The following ILDR1 variants were observed in gnomAD, a reference collection of about 807,000 sequenced individuals.
The protein encoded by ILDR1 is immunoglobulin-like domain-containing receptor 1.
Under a neutral mutation model 62.4 loss-of-function variants are expected in ILDR1, and 56 were observed. The ratio of observed to expected loss-of-function variants is 0.90; its 90% CI spans 0.72 to 1.12. The LOEUF is 1.12. ILDR1 is among the 50% of genes most tolerant of loss of function. ILDR1 has a pLI of 0.00. For synonymous variants in ILDR1, 284 were observed against 277.8 expected, an observed-to-expected ratio of 1.02 and a Z score of -0.22; for missense variants, 736 against 710.6, an observed-to-expected ratio of 1.04 and a Z score of -0.41.
intron 1 of ILDR1, among the ~76,000 whole-genome samples, chr3:122,013,999 G>A (rs540620106): frequency 2.0e-5 from 3 of 152,342 alleles, no homozygotes; most frequent in Admixed American, 6.5e-5. Flanking sequence ...GAGAGATTAA[G>A]TAATCTGCTT....
the ILDR1 span, among the ~76,000 whole-genome samples, chr3:122,058,981 A>G: frequency 6.6e-6 from 1 of 152,134 alleles, no homozygotes; most frequent in Non-Finnish European, 1.5e-5. Context: ...GGAGAGATCT[A>G]AGTGCATAGT....
intron 5 of ILDR1, among the ~76,000 whole-genome samples, chr3:121,998,481 G>A (rs2071469785): frequency 6.6e-6 from 1 of 152,080 alleles, no homozygotes; most frequent in Non-Finnish European, 1.5e-5. Context: ...CCAAGTTCAG[G>A]GATCTTTGTA....
At chr3:122,029,532 A>ATATG in the ILDR1 span, among the ~76,000 whole-genome samples, 1 of 148,780 alleles carries the variant, frequency 6.7e-6, no homozygotes, top group South Asian at 2.1e-4. Context: ...ATATATATAT[A>ATATG]TTTAGGGGAA....
At chr3:122,002,118 C>A (rs946878365) in intron 3 of ILDR1, among the ~76,000 whole-genome samples, 1 of 152,108 alleles carries the variant, frequency 6.6e-6, no homozygotes, top group African/African-American at 2.4e-5. Context: ...CCAGCCTGGG[C>A]AACACAGTGA....
chr3:122,048,315 G>A, the ILDR1 span, among the ~76,000 whole-genome samples: 1 of 152,132 alleles, frequency 6.6e-6, no homozygotes, highest in Non-Finnish European at 1.5e-5. Flanking sequence ...TCCTTTTAAT[G>A]TACTATAGAA....
At chr3:121,996,342 T>C (rs2071435308) in intron 5 of ILDR1, among the ~76,000 whole-genome samples, 1 of 152,204 alleles carries the variant, frequency 6.6e-6, no homozygotes, top group African/African-American at 2.4e-5. Context: ...TGAGTTTTTT[T>C]CACACAGTCC....
chr3:121,992,876 C>T (rs541237722), intron 7 of ILDR1, among the ~76,000 whole-genome samples: 23 of 152,348 alleles, frequency 1.5e-4, no homozygotes, highest in Admixed American at 4.6e-4. Context: ...CCTGTGACCT[C>T]GCTTGGCCTA....
At chr3:122,053,640 G>C in the ILDR1 span, among the ~76,000 whole-genome samples, 2 of 152,128 alleles carry the variant, frequency 1.3e-5, no homozygotes, top group Non-Finnish European at 2.9e-5. Flanking sequence ...TCAGCCTCCT[G>C]AGTAGCCAGG....
chr3:122,021,134 T>C (rs1329157805), intron 1 of ILDR1, among the ~76,000 whole-genome samples: 6 of 152,178 alleles, frequency 3.9e-5, no homozygotes, highest in Admixed American at 2.0e-4. Flanking sequence ...ACTGACAACT[T>C]AGAGGTAAGA....
At position 121,988,396 on chromosome 3, in the gene ILDR1, A is replaced by T. The variant is rs1318546789; in HGVS notation, c.1612T>A (p.Ser538Thr). ...ATGACCACACTCCTTCCACTATGAG[A>T]GCTGTCTTTCTCCTGGGAAATAGAA... is the stretch of plus-strand genomic sequence containing the variant. ...SVERRSEKDS[S>T]HSGRSVVI is the part of the protein sequence containing the mutation. The change falls in exon 8 of 8, where the codon TCT becomes ACT. Residue 538 changes from serine to threonine, a missense_variant. Ser to Thr is a moderately conservative substitution (Grantham distance 58, BLOSUM62 1). Coordinates refer to ENST00000344209, the MANE Select transcript of ILDR1 (RefSeq NM_001199799.2). The T allele has an allele frequency of 6.2e-7, 1 of 1,613,614 alleles. No individual in the cohort carries two copies. The highest frequency in any genetic ancestry group is 8.5e-7 in the Non-Finnish European group (1 of 1,179,662).
At position 121,988,174 on chromosome 3, in the gene ILDR1, G is replaced by A. The variant is rs930052001; in HGVS notation, c.*193C>T. 2.4e-5 allele frequency: 16 copies of A among 666,032 alleles called. No homozygotes were observed. The highest frequency in any genetic ancestry group is 1.4e-4 in the African/African-American group (8 of 56,222). 41.3% of individuals were successfully genotyped at this position (666,032 alleles called of 1,614,324 possible). A position where few individuals can be genotyped will look rare whatever the true frequency, so the allele number is the denominator to read the frequency against. ...GTGATTCTTAGCCTCCCAAAGTGCT[G>A]TGATTACAGGTGTGAGCCACTATAC... On this transcript the variant is annotated 3_prime_UTR_variant, in exon 8 of 8. Transcript: ENST00000344209.
At position 122,008,397 on chromosome 3, in the gene ILDR1, G is replaced by A. The variant is rs185582543; in HGVS notation, c.59-1236C>T. On this transcript the variant is annotated intron_variant, in intron 1 of 7. Coordinates refer to ENST00000344209, the MANE Select transcript of ILDR1 (RefSeq NM_001199799.2). Reference sequence around the variant, plus strand: ...ATTCCTATGTTAGTTTGGTTTCTAGGCCAAGTTGTGAAGGGGTTCTCTAGT... The same window carrying A: ...ATTCCTATGTTAGTTTGGTTTCTAGACCAAGTTGTGAAGGGGTTCTCTAGT... Among the ~76,000 whole-genome samples, 3 of 152,124 alleles carry A rather than the reference G, an allele frequency of 2.0e-5. No individual in the cohort carries two copies. The East Asian group carries it at 5.8e-4, about 29-fold the overall frequency.
At chr3:122,058,900 C>A in the ILDR1 span, among the ~76,000 whole-genome samples, 2 of 152,008 alleles carry the variant, frequency 1.3e-5, no homozygotes, top group African/African-American at 4.8e-5. Context: ...GGAGAGGATG[C>A]ATTTAAGAGA....
the ILDR1 span, among the ~76,000 whole-genome samples, chr3:122,060,725 A>G: frequency 6.6e-6 from 1 of 152,230 alleles, no homozygotes; most frequent in Non-Finnish European, 1.5e-5. Context: ...TTTCTGGAAG[A>G]AAATAATTTT....
chr3:122,004,466 C>T (rs1407603475), intron 3 of ILDR1, among the ~76,000 whole-genome samples: 1 of 152,128 alleles, frequency 6.6e-6, no homozygotes, highest in Non-Finnish European at 1.5e-5. Flanking sequence ...GAAATTGAGG[C>T]TGAAAAAATT....
the ILDR1 span, among the ~76,000 whole-genome samples, chr3:122,045,237 A>T: frequency 6.7e-6 from 1 of 148,970 alleles, no homozygotes. Context: ...TTTGAGTGAG[A>T]TTCTTAATCC....
chr3:122,022,086 C>T lies in ILDR1; in HGVS notation c.-9G>A, dbSNP rs773296079. 1.3e-6 allele frequency: 2 copies of T among 1,599,638 alleles called. No individual in the cohort carries two copies. The highest frequency in any genetic ancestry group is 1.7e-6 in the Non-Finnish European group (2 of 1,172,574). ...AGTTTGGGCCATGCCATGCCGCCCCCTTTCTGGCCCTTTTCAGCTCAGGGG... is the reference window on the plus strand; with the variant it reads ...AGTTTGGGCCATGCCATGCCGCCCCTTTTCTGGCCCTTTTCAGCTCAGGGG... On this transcript the variant is annotated 5_prime_UTR_variant, in exon 1 of 8. Coordinates refer to ENST00000344209, the MANE Select transcript of ILDR1 (RefSeq NM_001199799.2).
the ILDR1 span, among the ~76,000 whole-genome samples, chr3:122,054,899 C>G: frequency 6.6e-6 from 1 of 152,050 alleles, no homozygotes; most frequent in Non-Finnish European, 1.5e-5. Context: ...TCTGTCTGCC[C>G]TCCTTGGTTA....
the ILDR1 span, among the ~76,000 whole-genome samples, chr3:122,051,803 A>G: frequency 6.6e-6 from 1 of 152,108 alleles, no homozygotes; most frequent in South Asian, 2.1e-4. Flanking sequence ...AGACCTTCAT[A>G]ATCTTTAGCC....
Sources: gnomAD v4.1 joint callset for allele counts (sites outside exome capture counted in the v4.1 genomes callset) on GRCh38, gnomAD v4.1.1 for gene constraint, MANE v1.5 for transcripts, NCBI Gene and HGNC (gene_info 2026-07-23, HGNC 2026-07-21) for gene names.